The following NOTCH2NLB variants were observed in gnomAD, a reference collection of about 807,000 sequenced individuals.
NOTCH2NLB encodes notch homolog 2 N-terminal-like protein B.
Under a neutral mutation model 14.8 loss-of-function variants are expected in NOTCH2NLB, and 1 was observed. The ratio of observed to expected loss-of-function variants is 0.07; its 90% CI spans 0.02 to 0.32. The LOEUF is 0.32. NOTCH2NLB is among the 10% of genes least tolerant of loss of function. The pLI is 1.00. For missense variants in NOTCH2NLB, 11 were observed against 155.0 expected (o/e 0.07, Z 4.93); for synonymous variants, 6 against 57.5 (o/e 0.10, Z 4.05).
intron 1 of NOTCH2NLB, among the ~76,000 whole-genome samples, chr1:148,670,070 CT>C (rs1664725323): frequency 1.4e-5 from 1 of 71,336 alleles, no homozygotes; most frequent in African/African-American, 4.3e-5. Flanking sequence ...CAGATAAGAA[CT>C]TTCAAGTAGC....
chr1:148,670,535 AAAAAATATATATATATAC>A (rs1664745606), intron 1 of NOTCH2NLB, among the ~76,000 whole-genome samples: 1 of 60,526 alleles, frequency 1.7e-5, no homozygotes, highest in Admixed American at 1.7e-4. Flanking sequence ...AAACTAAAAA[AAAAAATATATATATATAC>A]ATATATATAT....
At chr1:148,609,089 G>A (rs1238967536) in intron 3 of NOTCH2NLB, among the ~76,000 whole-genome samples, 2 of 135,902 alleles carry the variant, frequency 1.5e-5, no homozygotes, top group Non-Finnish European at 3.2e-5. Context: ...AGAACTCCTT[G>A]AATTATTATT....
chr1:148,627,804 T>G (rs1205418266), intron 2 of NOTCH2NLB, among the ~76,000 whole-genome samples: 13 of 139,808 alleles, frequency 9.3e-5, no homozygotes, highest in Non-Finnish European at 1.6e-4. Context: ...TTATTAATTC[T>G]CATACTCCCA....
chr1:148,608,114 A>G (rs1164253133), intron 3 of NOTCH2NLB, among the ~76,000 whole-genome samples: 2 of 135,582 alleles, frequency 1.5e-5, no homozygotes, highest in Admixed American at 7.0e-5. Context: ...CCGGGCCAGG[A>G]GCAGTGGCTC....
At chr1:148,601,123 T>C in the NOTCH2NLB span, among the ~76,000 whole-genome samples, 4 of 150,598 alleles carry the variant, frequency 2.7e-5, no homozygotes, top group African/African-American at 1.0e-4. Context: ...AACAGAAGCT[T>C]TACCCAATTG....
chr1:148,679,714 T>C, exon 1 of NOTCH2NLB: 3 of 1,016,120 alleles, frequency 3.0e-6, no homozygotes, highest in Non-Finnish European at 3.7e-6. Flanking sequence ...CCGCCGCTCC[T>C]CGGCCGCCGC....
chr1:148,686,726 T>TAAA, the NOTCH2NLB span, among the ~76,000 whole-genome samples: 1 of 76,474 alleles, frequency 1.3e-5, no homozygotes, highest in Non-Finnish European at 3.0e-5. Context: ...CCTTTAAGAT[T>TAAA]AAAAAAAAAA....
chr1:148,649,714 G>A (rs1272863395), intron 1 of NOTCH2NLB, among the ~76,000 whole-genome samples: 12 of 145,134 alleles, frequency 8.3e-5, no homozygotes, highest in East Asian at 6.3e-4. Flanking sequence ...GGGTTTCACC[G>A]TGTTAGCCAG....
At position 148,632,302 on chromosome 1, in the gene NOTCH2NLB, TG is replaced by T. The variant is rs1354605264; in HGVS notation, c.77+7713del. On this transcript the variant is annotated intron_variant, in intron 2 of 4. Coordinates refer to ENST00000593495, the Ensembl canonical transcript of NOTCH2NLB. ...ATTCCAGCCCTTTGGGAGGCAGAAG[TG>T]GGAGGGTCACTTGAGCCCAGGAATT... Among the ~76,000 whole-genome samples, 7 of 121,754 alleles carry T rather than the reference TG, an allele frequency of 5.7e-5. 3 individuals are homozygous for T. In the East Asian group the frequency reaches 2.2e-3, roughly 39 times the overall value. 79.9% of individuals were successfully genotyped at this position (121,754 alleles called of 152,430 possible).
At chr1:148,703,450 G>A in the NOTCH2NLB span, among the ~76,000 whole-genome samples, 2 of 32,978 alleles carry the variant, frequency 6.1e-5, no homozygotes, top group Non-Finnish European at 5.9e-5. Context: ...TAACCCTCCT[G>A]GAGGGTAATG....
intron 2 of NOTCH2NLB, among the ~76,000 whole-genome samples, chr1:148,637,834 C>T (rs1367586172): frequency 2.1e-5 from 3 of 144,832 alleles, no homozygotes; most frequent in African/African-American, 5.3e-5. Flanking sequence ...TGAGTGAGAA[C>T]ATGCCGTGTT....
upstream of NOTCH2NLB, among the ~76,000 whole-genome samples, chr1:148,684,397 CA>C (rs1664953488): frequency 7.1e-6 from 1 of 141,480 alleles, no homozygotes; most frequent in African/African-American, 2.5e-5. Flanking sequence ...GTTCCTCCTG[CA>C]TTAATTTTCC....
At chr1:148,700,883 C>T in the NOTCH2NLB span, among the ~76,000 whole-genome samples, 2 of 55,488 alleles carry the variant, frequency 3.6e-5, no homozygotes, top group Non-Finnish European at 7.1e-5. Context: ...TAATTAGATC[C>T]CATTTGTCAA....
At chr1:148,603,793 TTC>T (rs1274050038), downstream of NOTCH2NLB, among the ~76,000 whole-genome samples, 1 of 140,304 alleles carries the variant, frequency 7.1e-6, no homozygotes, top group Non-Finnish European at 1.5e-5. Context: ...AAACATTTCT[TTC>T]TGTGTCATAC....
rs1354374060 is a variant in NOTCH2NLB, at chr1:148,632,912, C to T, written c.77+7104G>A. Among the ~76,000 whole-genome samples, 2 of 118,954 alleles carry T rather than the reference C, an allele frequency of 1.7e-5. 1 individual carries two copies. The highest frequency in any genetic ancestry group is 8.3e-5 in the African/African-American group (2 of 24,136). The allele number at this position is 118,954 out of a possible 152,430, so 78.0% of individuals were successfully genotyped here. On this transcript the variant is annotated intron_variant, in intron 2 of 4. Transcript: ENST00000593495. ...TCACTGCCCTCTTCTTCTATTTCAT[C>T]CACAGTTATTACACTGAGCTTTCAT... is the stretch of plus-strand genomic sequence containing the variant.
At chr1:148,610,375 G>A (rs1402269489) in intron 3 of NOTCH2NLB, among the ~76,000 whole-genome samples, 53 of 109,652 alleles carry the variant, frequency 4.8e-4, no homozygotes, top group East Asian at 1.2e-3. Context: ...GAAAGAAAGA[G>A]AAAGAAAGAA....
In NOTCH2NLB at chr1:148,679,447, C is replaced by T; in HGVS notation, c.3+15G>A. ...CCCGGGCGCCGCGGACAGCGCCCCT[C>T]AGCCCGATACTCACCATGCGCGGGG... On this transcript the variant is annotated intron_variant, in intron 1 of 4. Transcript: ENST00000593495. 9.6e-7 allele frequency: 1 copy of T among 1,039,788 alleles called. No homozygotes were observed. Among genetic ancestry groups the T allele is most frequent in the Non-Finnish European group, 1.2e-6 (1 of 815,258 alleles). The allele number at this position is 1,039,788 out of a possible 1,614,324, so 64.4% of individuals were successfully genotyped here.
At chr1:148,634,325 G>C (rs1664174821) in intron 2 of NOTCH2NLB, among the ~76,000 whole-genome samples, 1 of 150,378 alleles carries the variant, frequency 6.6e-6, no homozygotes, top group Admixed American at 6.6e-5. Context: ...AGACGAAAGA[G>C]AAAGTAATTT....
At chr1:148,610,263 AGAGT>A (rs1663642401) in intron 3 of NOTCH2NLB, among the ~76,000 whole-genome samples, 1 of 119,412 alleles carries the variant, frequency 8.4e-6, no homozygotes, top group East Asian at 2.3e-4. Flanking sequence ...ACTAAGCAAC[AGAGT>A]GAGAAGAAAG....
Sources: gnomAD v4.1 joint callset for allele counts (sites outside exome capture counted in the v4.1 genomes callset) on GRCh38, gnomAD v4.1.1 for gene constraint, MANE v1.5 for transcripts, NCBI Gene and HGNC (gene_info 2026-07-23, HGNC 2026-07-21) for gene names.